Variants in ADAM28 observed in about 807,000 individuals in gnomAD.
ADAM28 encodes the protein ADAM metallopeptidase domain 28.
A neutral mutation model predicts 101.2 loss-of-function variants in ADAM28; 105 were observed. That is an observed-to-expected ratio of 1.04 (90% CI 0.89 to 1.22). The LOEUF (loss-of-function observed/expected upper bound fraction) is 1.22, where lower values mean the gene tolerates loss of function less well. Ranked by LOEUF, ADAM28 falls within the 50% of genes most tolerant of loss-of-function variation. The pLI is 0.00. For missense variants in ADAM28, 1,028 were observed against 945.4 expected (o/e 1.09, Z -1.15); for synonymous variants, 322 against 310.6 (o/e 1.04, Z -0.39).
At chr8:24,347,417 G>A (rs1003682515) in intron 18 of ADAM28, among the ~76,000 whole-genome samples, 2 of 151,784 alleles carry the variant, frequency 1.3e-5, no homozygotes, top group Non-Finnish European at 2.9e-5. Context: ...GTATTGGAGA[G>A]TATTCATTTA....
chr8:24,330,728 T>C (rs372973760), intron 11 of ADAM28, among the ~76,000 whole-genome samples: 14 of 152,328 alleles, frequency 9.2e-5, no homozygotes, highest in African/African-American at 3.1e-4. Flanking sequence ...ACAGAGCTTA[T>C]GTTAACTCTC....
chr8:24,346,992 A>C (rs763851978), intron 18 of ADAM28: 1 of 152,112 alleles, frequency 6.6e-6, no homozygotes, highest in Non-Finnish European at 1.5e-5. Flanking sequence ...ATCCATGAAC[A>C]TACCCGGACA....
Position 24,313,428 on chromosome 8 carries a change from C to A in ADAM28, c.424C>A (p.Pro142Thr), listed in dbSNP as rs374916140. The A allele has an allele frequency of 1.9e-5, 30 of 1,613,210 alleles. No homozygotes were observed. In the African/African-American group the frequency reaches 2.7e-4, roughly 14 times the overall value. ...GGGGGATCAAAGATACTTTATTGAA[C>A]CTTTAAGCCCCATACATCGGGATGG... ...SQGDQRYFIE[P>T]LSPIHRDGQE... The change falls in exon 6 of 23, where the codon CCT (proline) becomes ACT (threonine). Residue 142 changes from proline to threonine, a missense_variant. Coordinates refer to ENST00000265769, the MANE Select transcript of ADAM28 (RefSeq NM_014265.6).
intron 5 of ADAM28, 62 bp downstream of exon 5, chr8:24,311,499 C>T: frequency 7.7e-7 from 1 of 1,292,470 alleles, no homozygotes; most frequent in South Asian, 1.3e-5. Flanking sequence ...TGTATCTAAC[C>T]AACCAGATGA....
chr8:24,332,856 A>G, intron 13 of ADAM28, 107 bp downstream of exon 13: 1 of 561,828 alleles, frequency 1.8e-6, no homozygotes, highest in Non-Finnish European at 2.8e-6. Context: ...TTCTTTATAT[A>G]AAATGATATA....
At position 24,358,250 on chromosome 8, in the gene ADAM28, TTATATTGC is replaced by T. The variant is rs1475358662; in HGVS notation, c.*3850_*3857del. ...CAAAGACACCATTATTTCCTAAGTG[TTATATTGC>T]TATTTTTCAGTTGGTGCATCCAATA... is the stretch of plus-strand genomic sequence containing the variant. On this transcript the variant is annotated 3_prime_UTR_variant, in exon 23 of 23. Transcript: ENST00000265769. 1 of 152,244 alleles carries T rather than the reference TTATATTGC, an allele frequency of 6.6e-6. No individual in the cohort carries two copies. Among genetic ancestry groups the T allele is most frequent in the Non-Finnish European group, 1.5e-5 (1 of 68,044 alleles). The allele number at this position is 152,244 out of a possible 1,614,324, so 9.4% of individuals were successfully genotyped here. A position where few individuals can be genotyped will look rare whatever the true frequency, so the allele number is the denominator to read the frequency against.
At chr8:24,310,066 TG>T in intron 3 of ADAM28, 96 bp downstream of exon 3, 1 of 1,502,972 alleles carries the variant, frequency 6.7e-7, no homozygotes, top group Non-Finnish European at 9.2e-7. Flanking sequence ...CACACAAACC[TG>T]GACTAATCAG....
rs758954662 is a variant in ADAM28, at chr8:24,343,538, G to T, written c.1944G>T (p.Glu648Asp). ...ACCATGAGCTCCAGTGTCAATGTGA[G>T]GAAGGATGGATCCCTCCCGACTGCG... ...VCDHELQCQC[E>D]EGWIPPDCDD... Residue 648 changes from glutamate (E) to aspartate (D), a missense_variant, in exon 18 of 23, where the codon GAG (glutamate) becomes GAT (aspartate). By Grantham distance (45) the Glu-to-Asp change is conservative (BLOSUM62 2). Transcript: ENST00000265769. 1 of 1,613,806 alleles carries T rather than the reference G, an allele frequency of 6.2e-7. No individual in the cohort carries two copies. The highest frequency in any genetic ancestry group is 8.5e-7 in the Non-Finnish European group (1 of 1,179,810).
chr8:24,343,493 A>G lies in ADAM28; in HGVS notation c.1912-13A>G. 1 of 1,613,434 alleles carries G rather than the reference A, an allele frequency of 6.2e-7. No individual in the cohort carries two copies. The highest frequency in any genetic ancestry group is 8.5e-7 in the Non-Finnish European group (1 of 1,179,608). On this transcript the variant is annotated splice_polypyrimidine_tract_variant and intron_variant, in intron 17 of 22. Transcript: ENST00000265769. ...GCCTAGCGGGGACAGTAACAGGATCATTGCTCCCCTAGGTGTGTGACCATG... is the reference window on the plus strand; with the variant it reads ...GCCTAGCGGGGACAGTAACAGGATCGTTGCTCCCCTAGGTGTGTGACCATG...
chr8:24,308,581 C>G, intron 2 of ADAM28: 1 of 455,702 alleles, frequency 2.2e-6, no homozygotes, highest in Non-Finnish European at 4.4e-6. Flanking sequence ...TAATCCTGAA[C>G]AGTAAGAGGT....
chr8:24,348,527 T>A (rs1156503440), intron 18 of ADAM28, among the ~76,000 whole-genome samples: 1 of 152,214 alleles, frequency 6.6e-6, no homozygotes, highest in African/African-American at 2.4e-5. Context: ...TCTCTCCAGG[T>A]CCTTGCCCAC....
At chr8:24,336,421 A>G (rs1814065603) in intron 14 of ADAM28, among the ~76,000 whole-genome samples, 1 of 151,524 alleles carries the variant, frequency 6.6e-6, no homozygotes, top group Non-Finnish European at 1.5e-5. Flanking sequence ...GTCTCTACTA[A>G]AAATACAAAA....
Position 24,349,899 on chromosome 8 carries a change from G to T in ADAM28, c.2026G>T (p.Ala676Ser), listed in dbSNP as rs781111994. 6.2e-7 allele frequency: 1 copy of T among 1,613,678 alleles called. No homozygotes were observed. Among genetic ancestry groups the T allele is most frequent in the Non-Finnish European group, 8.5e-7 (1 of 1,179,774 alleles). Residue 676 changes from alanine to serine, a missense_variant, in exon 19 of 23, where the codon GCG becomes TCG. By Grantham distance (99) the Ala-to-Ser change is moderately conservative. Coordinates refer to ENST00000265769, the MANE Select transcript of ADAM28 (RefSeq NM_014265.6). ...SIVVGVLFPM[A>S]VIFVVVAMVI... ...TGTGGTTGGGGTGCTGTTCCCAATGGCGGTCATTTTTGTGGTGGTTGCTAT... is the reference window on the plus strand; with the variant it reads ...TGTGGTTGGGGTGCTGTTCCCAATGTCGGTCATTTTTGTGGTGGTTGCTAT...
chr8:24,320,775 A>T, intron 7 of ADAM28, among the ~76,000 whole-genome samples: 1 of 152,004 alleles, frequency 6.6e-6, no homozygotes, highest in Non-Finnish European at 1.5e-5. Flanking sequence ...ATTTTCATAT[A>T]CTGTGTTTTC....
intron 15 of ADAM28, among the ~76,000 whole-genome samples, chr8:24,340,200 T>C (rs1370592443): frequency 3.3e-5 from 5 of 152,182 alleles, no homozygotes; most frequent in Admixed American, 6.5e-5. Flanking sequence ...GATTAAACTC[T>C]TTGTACCTGC....
At chr8:24,310,334 C>T (rs1285121543) in intron 4 of ADAM28, 93 bp downstream of exon 4, 1 of 1,067,740 alleles carries the variant, frequency 9.4e-7, no homozygotes, top group East Asian at 2.7e-5. Context: ...AGTGAAACTG[C>T]ATTTGTAACA....
rs367820258 is a variant in ADAM28 at position 24,313,073 on chromosome 8, A to G, written c.384-315A>G. 7.2e-5 allele frequency among the ~76,000 whole-genome samples: 11 copies of G among 152,336 alleles called. No homozygotes were observed. The South Asian group carries it at 2.1e-3, about 29-fold the overall frequency. On this transcript the variant is annotated intron_variant, in intron 5 of 22. Transcript: ENST00000265769. ...TTATAAGTGTACCTTTAGAACAAGT[A>G]TAGCATTAAAATTGGAAGAATGCTG... is the stretch of plus-strand genomic sequence containing the variant.
At chr8:24,325,883 A>AC (rs1554514033) in intron 9 of ADAM28, among the ~76,000 whole-genome samples, 2 of 114,674 alleles carry the variant, frequency 1.7e-5, no homozygotes, top group African/African-American at 5.7e-5. Flanking sequence ...AAAAAAAAAA[A>AC]AAAAAAAAAA....
chr8:24,316,254 A>G (rs1201562043), intron 6 of ADAM28, among the ~76,000 whole-genome samples: 2 of 151,962 alleles, frequency 1.3e-5, no homozygotes, highest in Non-Finnish European at 2.9e-5. Context: ...AGATTTTGTC[A>G]TTCTTATATT....
Sources: allele counts gnomAD v4.1 joint callset (sites outside exome capture counted in the v4.1 genomes callset), GRCh38; gene constraint gnomAD v4.1.1; transcripts MANE v1.5; gene names NCBI Gene and HGNC (gene_info 2026-07-23, HGNC 2026-07-21).